Variants in XKR6 observed in about 807,000 individuals in gnomAD.
The protein encoded by XKR6 is XK-related protein 6.
In XKR6, 22 loss-of-function variants were observed where a neutral mutation model predicts 56.7. The ratio of observed to expected loss-of-function variants is 0.39; its 90% confidence interval spans 0.28 to 0.55. The LOEUF (loss-of-function observed/expected upper bound fraction) is 0.55, where lower values mean the gene tolerates loss of function less well. XKR6 is among the 20% of genes least tolerant of loss of function. The pLI is 0.66. For missense variants in XKR6, 852 were observed against 889.0 expected (o/e 0.96, Z 0.53); for synonymous variants, 524 against 387.8 (o/e 1.35, Z -4.13).
intron 1 of XKR6, among the ~76,000 whole-genome samples, chr8:11,156,325 T>A (rs1349686992): frequency 6.6e-6 from 1 of 152,102 alleles, no homozygotes; most frequent in Admixed American, 6.5e-5. Context: ...AAATAACATC[T>A]CCCCTCTGCA....
chr8:11,176,694 G>A (rs911200573), intron 1 of XKR6, among the ~76,000 whole-genome samples: 1 of 152,004 alleles, frequency 6.6e-6, no homozygotes, highest in Non-Finnish European at 1.5e-5. Context: ...CCACAGCCTC[G>A]AGGACTCTTA....
At chr8:11,106,961 C>A (rs1200346032) in intron 1 of XKR6, among the ~76,000 whole-genome samples, 1 of 151,728 alleles carries the variant, frequency 6.6e-6, no homozygotes, top group South Asian at 2.1e-4. Flanking sequence ...CAAGAAGCTA[C>A]AGGAAGGGAG....
intron 1 of XKR6, among the ~76,000 whole-genome samples, chr8:11,101,172 T>C (rs1323123644): frequency 6.6e-6 from 1 of 152,230 alleles, no homozygotes; most frequent in East Asian, 1.9e-4. Context: ...GTGTCCATAA[T>C]TTATAGCAAG....
chr8:11,046,851 G>A (rs546146124), intron 1 of XKR6, among the ~76,000 whole-genome samples: 1 of 152,258 alleles, frequency 6.6e-6, no homozygotes, highest in South Asian at 2.1e-4. Flanking sequence ...GCAACAACAT[G>A]GATGAACCTG....
At chr8:11,081,971 G>GC (rs1368473794) in intron 1 of XKR6, among the ~76,000 whole-genome samples, 14 of 152,342 alleles carry the variant, frequency 9.2e-5, no homozygotes, top group African/African-American at 2.9e-4. Context: ...ACTGGAGGAT[G>GC]CTCTTGTCGG....
intron 1 of XKR6, among the ~76,000 whole-genome samples, chr8:11,120,068 C>T (rs1167877115): frequency 6.6e-6 from 1 of 152,196 alleles, no homozygotes; most frequent in African/African-American, 2.4e-5. Context: ...GACAAACCCA[C>T]AGCCAATAAC....
At chr8:10,962,587 C>T (rs922379007) in intron 1 of XKR6, among the ~76,000 whole-genome samples, 3 of 152,058 alleles carry the variant, frequency 2.0e-5, no homozygotes, top group African/African-American at 7.2e-5. Context: ...TTCTCTGTTC[C>T]ATGTTTAGTT....
intron 1 of XKR6, among the ~76,000 whole-genome samples, chr8:10,977,713 G>T (rs1055485117): frequency 5.3e-5 from 8 of 150,456 alleles, no homozygotes; most frequent in African/African-American, 1.7e-4. Context: ...ACAGTGCAGG[G>T]GTCATAGAAC....
In XKR6 at chr8:11,055,819, G is replaced by A. The variant is rs566700139; in HGVS notation, c.765-130989C>T. ...TGCACAGGGAGGAAAGCCATGGGTCGGGGGTGGGCAAGAAGGCCTGGGCTG... is the reference window on the plus strand; with the variant it reads ...TGCACAGGGAGGAAAGCCATGGGTCAGGGGTGGGCAAGAAGGCCTGGGCTG... On this transcript the variant is annotated intron_variant, in intron 1 of 2. Transcript: ENST00000416569. Among the ~76,000 whole-genome samples, 14 of 151,962 alleles carry A rather than the reference G, an allele frequency of 9.2e-5. No homozygotes were observed. The East Asian group carries it at 1.6e-3, about 17-fold the overall frequency.
At chr8:11,074,562 G>T (rs919068490) in intron 1 of XKR6, among the ~76,000 whole-genome samples, 1 of 152,232 alleles carries the variant, frequency 6.6e-6, no homozygotes, top group African/African-American at 2.4e-5. Context: ...CATCCCTCAA[G>T]CATTTGTCTA....
At chr8:11,196,445 C>T (rs961493428) in intron 1 of XKR6, among the ~76,000 whole-genome samples, 1 of 151,958 alleles carries the variant, frequency 6.6e-6, no homozygotes, top group Non-Finnish European at 1.5e-5. Flanking sequence ...AAAAAAACAA[C>T]AACAACAACC....
intron 1 of XKR6, among the ~76,000 whole-genome samples, chr8:11,029,028 C>A (rs28709962): frequency 6.6e-6 from 1 of 152,178 alleles, no homozygotes. Context: ...AAGTCACCCC[C>A]ACCCTGTGCC....
chr8:11,136,046 GGCACCTTATAAATTATT>G (rs1483384839), intron 1 of XKR6, among the ~76,000 whole-genome samples: 3 of 152,088 alleles, frequency 2.0e-5, no homozygotes, highest in Non-Finnish European at 2.9e-5. Flanking sequence ...TACAATAGAT[GGCACCTTATAAATTATT>G]GCCATTTTTT....
intron 1 of XKR6, among the ~76,000 whole-genome samples, chr8:11,011,125 G>T (rs2129145942): frequency 6.6e-6 from 1 of 152,356 alleles, no homozygotes; most frequent in South Asian, 2.1e-4. Flanking sequence ...CATCAGCAGA[G>T]CTGGGATTTG....
chr8:10,899,875 T>A (rs192972869), intron 2 of XKR6, among the ~76,000 whole-genome samples: 131 of 152,346 alleles, frequency 8.6e-4, no homozygotes, highest in Admixed American at 5.9e-4. Flanking sequence ...GACTACTTGA[T>A]ATTTGCAAGT....
chr8:10,933,098 G>A (rs1392365976), intron 1 of XKR6, among the ~76,000 whole-genome samples: 5 of 151,676 alleles, frequency 3.3e-5, no homozygotes, highest in Admixed American at 1.3e-4. Flanking sequence ...TCTAACTGGT[G>A]TGAGATGATA....
At chr8:11,189,910 A>T (rs1803461181) in intron 1 of XKR6, among the ~76,000 whole-genome samples, 1 of 152,100 alleles carries the variant, frequency 6.6e-6, no homozygotes, top group African/African-American at 2.4e-5. Flanking sequence ...TAATCCCAGC[A>T]CTTTGGGAGG....
chr8:10,904,378 T>C (rs1800125728), intron 2 of XKR6, among the ~76,000 whole-genome samples: 1 of 152,010 alleles, frequency 6.6e-6, no homozygotes, highest in Non-Finnish European at 1.5e-5. Context: ...GTTCCAGAAA[T>C]GGAACGGCCA....
chr8:11,083,715 G>T (rs1797799882), intron 1 of XKR6, among the ~76,000 whole-genome samples: 1 of 152,128 alleles, frequency 6.6e-6, no homozygotes, highest in African/African-American at 2.4e-5. Flanking sequence ...GTGTCCAATA[G>T]GAAGGGAATG....
Sources: allele counts gnomAD v4.1 joint callset (sites outside exome capture counted in the v4.1 genomes callset), GRCh38; gene constraint gnomAD v4.1.1; transcripts MANE v1.5; gene names NCBI Gene and HGNC (gene_info 2026-07-23, HGNC 2026-07-21).